The following EMSY variants were observed in gnomAD, a reference collection of about 807,000 sequenced individuals.
EMSY encodes the protein BRCA2-interacting transcriptional repressor EMSY.
In EMSY, 26 loss-of-function variants were observed where a neutral mutation model predicts 134.6. The ratio of observed to expected loss-of-function variants is 0.19; its 90% CI spans 0.14 to 0.27. The LOEUF (loss-of-function observed/expected upper bound fraction) is 0.27, where lower values mean the gene tolerates loss of function less well. Ranked by LOEUF, EMSY falls within the 10% of genes least tolerant of loss-of-function variation. EMSY has a pLI of 1.00. For missense variants in EMSY, 1,305 were observed against 1,611.4 expected (o/e 0.81, Z 3.26); for synonymous variants, 579 against 577.8 (o/e 1.00, Z -0.03).
intron 1 of EMSY, among the ~76,000 whole-genome samples, chr11:76,446,587 G>T (rs920971531): frequency 2.0e-5 from 3 of 152,044 alleles, no homozygotes; most frequent in African/African-American, 7.2e-5. Context: ...TCTTTAATAC[G>T]CGTAACAAAC....
chr11:76,517,120 T>C (rs768604521), intron 11 of EMSY, among the ~76,000 whole-genome samples: 1 of 152,188 alleles, frequency 6.6e-6, no homozygotes, highest in Non-Finnish European at 1.5e-5. Context: ...ACAAGTCATA[T>C]TTTGTATGCC....
intron 8 of EMSY, among the ~76,000 whole-genome samples, chr11:76,478,724 T>G (rs1948861872): frequency 6.6e-6 from 1 of 151,786 alleles, no homozygotes; most frequent in Non-Finnish European, 1.5e-5. Context: ...GTTGCTTCGT[T>G]AACATTTTTC....
At chr11:76,542,810 G>A (rs1478710465) in intron 18 of EMSY, among the ~76,000 whole-genome samples, 1 of 149,080 alleles carries the variant, frequency 6.7e-6, no homozygotes, top group Non-Finnish European at 1.5e-5. Context: ...TGACTAAGGA[G>A]GAAAATAAAT....
At chr11:76,492,210 AT>A (rs1949450867) in intron 8 of EMSY, among the ~76,000 whole-genome samples, 1 of 152,232 alleles carries the variant, frequency 6.6e-6, no homozygotes. Context: ...GCAGTGGCTC[AT>A]GCCTATAATC....
At chr11:76,533,183 T>C (rs1951104329) in intron 14 of EMSY, among the ~76,000 whole-genome samples, 2 of 152,092 alleles carry the variant, frequency 1.3e-5, no homozygotes, top group Non-Finnish European at 2.9e-5. Flanking sequence ...GAAGCAATGA[T>C]TTAGATGTGT....
intron 20 of EMSY, among the ~76,000 whole-genome samples, chr11:76,548,850 A>G (rs1301417591): frequency 6.6e-6 from 1 of 152,186 alleles, no homozygotes; most frequent in Non-Finnish European, 1.5e-5. Flanking sequence ...CTGATATTCA[A>G]CTTTGCTCTG....
chr11:76,481,288 C>T (rs10899225), intron 8 of EMSY, among the ~76,000 whole-genome samples: 81,573 of 151,698 alleles, frequency 0.54, 23,006 homozygotes, highest in South Asian at 0.67. Flanking sequence ...TATGATCCGC[C>T]CACCTTGGCC....
intron 14 of EMSY, among the ~76,000 whole-genome samples, chr11:76,531,855 A>G (rs1195402144): frequency 2.0e-5 from 3 of 152,144 alleles, no homozygotes; most frequent in Non-Finnish European, 4.4e-5. Flanking sequence ...CTGCTACACA[A>G]GTCCTGGAAT....
At chr11:76,517,693 TA>T (rs1303113966) in intron 11 of EMSY, among the ~76,000 whole-genome samples, 1 of 152,232 alleles carries the variant, frequency 6.6e-6, no homozygotes, top group Non-Finnish European at 1.5e-5. Context: ...TTGAAATTTA[TA>T]TATCTTATAC....
chr11:76,476,459 A>G (rs907103742), intron 8 of EMSY, among the ~76,000 whole-genome samples: 5 of 152,212 alleles, frequency 3.3e-5, no homozygotes, highest in African/African-American at 1.2e-4. Context: ...ACCCTGAGGT[A>G]CAATTCATAT....
intron 9 of EMSY, 62 bp downstream of exon 10, chr11:76,496,531 T>A: frequency 6.4e-7 from 1 of 1,565,120 alleles, no homozygotes; most frequent in Non-Finnish European, 8.7e-7. Context: ...TTTTTAGTCT[T>A]CCAGTCCATG....
At chr11:76,462,365 A>C (rs1433637307) in intron 6 of EMSY, among the ~76,000 whole-genome samples, 1 of 152,260 alleles carries the variant, frequency 6.6e-6, no homozygotes, top group African/African-American at 2.4e-5. Flanking sequence ...AAGTCATACC[A>C]ACAACATTAG....
chr11:76,447,100 C>CA, intron 2 of EMSY, 92 bp downstream of exon 2: 1 of 1,170,762 alleles, frequency 8.5e-7, no homozygotes, highest in Non-Finnish European at 1.2e-6. Context: ...TGTCATATCT[C>CA]ACGCTACATC....
chr11:76,542,338 C>T (rs2136691490), exon 18 of EMSY: 1 of 1,614,194 alleles, frequency 6.2e-7, no homozygotes, highest in Non-Finnish European at 8.5e-7. Flanking sequence ...AGCATCTTCC[C>T]CTGGAGCAAT....
chr11:76,548,224 A>G (rs1386559932), intron 20 of EMSY, among the ~76,000 whole-genome samples: 3 of 152,186 alleles, frequency 2.0e-5, no homozygotes, highest in Admixed American at 2.0e-4. Context: ...CTTATTAGTT[A>G]TGTTTAGCTT....
At chr11:76,518,703 A>ATATATATATTTTTT (rs57143914) in intron 11 of EMSY, among the ~76,000 whole-genome samples, 9 of 130,196 alleles carry the variant, frequency 6.9e-5, no homozygotes, top group African/African-American at 1.7e-4. Context: ...ATATATATAT[A>ATATATATATTTTTT]TTTTTTTTTT....
intron 9 of EMSY, among the ~76,000 whole-genome samples, chr11:76,502,947 A>C (rs557816390): frequency 6.6e-6 from 1 of 152,130 alleles, no homozygotes; most frequent in East Asian, 1.9e-4. Context: ...TCCAAAATTC[A>C]TATGGAATTT....
intron 9 of EMSY, among the ~76,000 whole-genome samples, chr11:76,500,623 T>C (rs1949825186): frequency 6.6e-6 from 1 of 152,186 alleles, no homozygotes; most frequent in South Asian, 2.1e-4. Flanking sequence ...AAAGCTTTCC[T>C]GAAAACAACA....
chr11:76,544,729 G>A, exon 19 of EMSY: 1 of 1,614,128 alleles, frequency 6.2e-7, no homozygotes, highest in Non-Finnish European at 8.5e-7. Context: ...AACTGCAGCA[G>A]GCTCCGAACC....
Sources: gnomAD v4.1 joint callset for allele counts (sites outside exome capture counted in the v4.1 genomes callset) on GRCh38, gnomAD v4.1.1 for gene constraint, MANE v1.5 for transcripts, NCBI Gene and HGNC (gene_info 2026-07-23, HGNC 2026-07-21) for gene names.